RANBP2: variants seen among roughly 807,000 people sequenced by gnomAD.
RANBP2 encodes the protein E3 SUMO-protein ligase RanBP2.
RANBP2 carries 57 observed loss-of-function variants against 303.6 expected under a neutral mutation model. The observed-to-expected ratio is 0.19, with a 90% CI of 0.15 to 0.23. The LOEUF (loss-of-function observed/expected upper bound fraction) is 0.23. RANBP2 is among the 10% of genes least tolerant of loss of function. The pLI is 1.00. For synonymous variants in RANBP2, 1,167 were observed against 1,301.5 expected, an observed-to-expected ratio of 0.90 and a Z score of 2.23; for missense variants, 3,138 against 3,780.8, an observed-to-expected ratio of 0.83 and a Z score of 4.46.
At chr2:108,775,667 TTATA>T (rs771886946) in intron 23 of RANBP2, 61 bp from the exon 24 acceptor site, 47 of 1,542,038 alleles carry the variant, frequency 3.0e-5, no homozygotes, top group Non-Finnish European at 4.2e-5. Context: ...TTGAAATAGA[TTATA>T]TAATCTGTTT....
the RANBP2 span, chr2:108,798,469 A>G: frequency 2.5e-6 from 4 of 1,613,930 alleles, no homozygotes; most frequent in East Asian, 6.7e-5. Context: ...AAGAACTTCA[A>G]AAGCGAGAAC....
At chr2:109,700,113 T>C in the RANBP2 span, among the ~76,000 whole-genome samples, 1 of 152,244 alleles carries the variant, frequency 6.6e-6, no homozygotes, top group African/African-American at 2.4e-5. Context: ...GTTCTCCCCA[T>C]TTAAAAAGTT....
the RANBP2 span, among the ~76,000 whole-genome samples, chr2:109,215,454 A>G: frequency 2.0e-5 from 3 of 152,038 alleles, no homozygotes; most frequent in African/African-American, 7.2e-5. Context: ...TCCTCAAGCC[A>G]CTTTACACCA....
chr2:109,400,790 G>A, the RANBP2 span, among the ~76,000 whole-genome samples: 287 of 152,278 alleles, frequency 1.9e-3, 1 homozygote, highest in African/African-American at 6.4e-3. Flanking sequence ...AGCTGTAACC[G>A]TGCAGTCATC....
chr2:109,709,931 T>C, the RANBP2 span, among the ~76,000 whole-genome samples: 1 of 151,648 alleles, frequency 6.6e-6, no homozygotes, highest in South Asian at 2.1e-4. Context: ...CTATTAAAAA[T>C]ACAAAATTAG....
chr2:109,227,659 G>A, the RANBP2 span, among the ~76,000 whole-genome samples: 1 of 152,178 alleles, frequency 6.6e-6, no homozygotes, highest in Admixed American at 6.5e-5. Context: ...GGGGTACACG[G>A]CAGCTCCCCT....
At chr2:108,794,377 G>A in the RANBP2 span, 7 of 233,356 alleles carry the variant, frequency 3.0e-5, no homozygotes, top group Admixed American at 4.6e-4. Context: ...CCAAATTTTC[G>A]ATGTTACCAC....
chr2:108,943,116 A>G, the RANBP2 span, among the ~76,000 whole-genome samples: 5 of 152,130 alleles, frequency 3.3e-5, no homozygotes, highest in Non-Finnish European at 5.9e-5. Flanking sequence ...CAAAGAACTC[A>G]TAAATTTGGA....
the RANBP2 span, chr2:109,613,142 G>A: frequency 7.8e-7 from 1 of 1,285,230 alleles, no homozygotes; most frequent in Non-Finnish European, 1.0e-6. Flanking sequence ...CGATGTACAC[G>A]ACCTTGGTAC....
chr2:109,188,128 T>C, the RANBP2 span, among the ~76,000 whole-genome samples: 2 of 152,226 alleles, frequency 1.3e-5, no homozygotes, highest in Non-Finnish European at 2.9e-5. Context: ...CTAATGAGCA[T>C]GGGAAACAAA....
chr2:109,545,959 G>A, the RANBP2 span: 4 of 1,484,032 alleles, frequency 2.7e-6, no homozygotes, highest in African/African-American at 5.7e-5. Context: ...CAAAGCATAA[G>A]GAAGCAGAAG....
At chr2:108,831,046 A>G in the RANBP2 span, among the ~76,000 whole-genome samples, 1 of 152,016 alleles carries the variant, frequency 6.6e-6, no homozygotes, top group Non-Finnish European at 1.5e-5. Context: ...ATGGTGGTGC[A>G]TAACTGTAAT....
chr2:108,754,824 G>A, intron 15 of RANBP2, 81 bp from the exon 16 acceptor site: 1 of 1,596,548 alleles, frequency 6.3e-7, no homozygotes, highest in Non-Finnish European at 8.5e-7. Flanking sequence ...ATGTAAATAA[G>A]ATAAAATATA....
At chr2:109,485,313 G>A in the RANBP2 span, among the ~76,000 whole-genome samples, 1 of 152,234 alleles carries the variant, frequency 6.6e-6, no homozygotes, top group South Asian at 2.1e-4. Flanking sequence ...CGGGTCACAT[G>A]TACAGGTTTA....
the RANBP2 span, among the ~76,000 whole-genome samples, chr2:109,143,753 G>GAAACA: frequency 0.23 from 30,281 of 132,208 alleles, 3,802 homozygotes; most frequent in Middle Eastern, 0.4. Flanking sequence ...CACCCTGTCT[G>GAAACA]AAACAAAACA....
At chr2:109,222,325 A>G in the RANBP2 span, among the ~76,000 whole-genome samples, 4 of 152,348 alleles carry the variant, frequency 2.6e-5, no homozygotes, top group East Asian at 1.9e-4. Context: ...ATATTTTACA[A>G]TAGCTAAAAG....
chr2:109,715,351 G>A, the RANBP2 span, among the ~76,000 whole-genome samples: 1 of 152,194 alleles, frequency 6.6e-6, no homozygotes, highest in African/African-American at 2.4e-5. Flanking sequence ...CAAGCAATCT[G>A]CCTGCCTCAA....
chr2:109,610,071 C>T, the RANBP2 span, among the ~76,000 whole-genome samples: 1 of 150,256 alleles, frequency 6.7e-6, no homozygotes, highest in African/African-American at 2.5e-5. Context: ...ATTCCTTAAG[C>T]GAGACACTAA....
the RANBP2 span, among the ~76,000 whole-genome samples, chr2:108,898,756 G>T: frequency 1.3e-5 from 2 of 152,098 alleles, no homozygotes; most frequent in Non-Finnish European, 2.9e-5. Flanking sequence ...AAAAAGAAAT[G>T]AAAATATTAG....
Sources: gnomAD v4.1 joint callset for allele counts (sites outside exome capture counted in the v4.1 genomes callset) on GRCh38, gnomAD v4.1.1 for gene constraint, MANE v1.5 for transcripts, NCBI Gene and HGNC (gene_info 2026-07-23, HGNC 2026-07-21) for gene names.